MDGA2: variants seen among roughly 807,000 people sequenced by gnomAD.
MDGA2 encodes the protein MAM domain-containing glycosylphosphatidylinositol anchor protein 2.
A neutral mutation model predicts 117.8 loss-of-function variants in MDGA2; 40 were observed. That is an observed-to-expected ratio of 0.34 (90% CI 0.26 to 0.44). The LOEUF is 0.44. Among genes scored for constraint, MDGA2 ranks in the 20% least tolerant of loss-of-function variants. MDGA2 has a pLI of 1.00. For missense variants in MDGA2, 1,123 were observed against 1,250.6 expected (o/e 0.90, Z 1.54); for synonymous variants, 452 against 439.0 (o/e 1.03, Z -0.37).
chr14:47,571,760 G>A (rs371959610), intron 1 of MDGA2, among the ~76,000 whole-genome samples: 4 of 151,456 alleles, frequency 2.6e-5, no homozygotes, highest in South Asian at 2.1e-4. Context: ...GTCGGGGGGC[G>A]GTCGGGGGAT....
At chr14:46,963,906 A>T (rs7144632) in intron 8 of MDGA2, among the ~76,000 whole-genome samples, 17,949 of 152,204 alleles carry the variant, frequency 0.12, 2,017 homozygotes, top group African/African-American at 0.27. Context: ...TTAAAAGAGT[A>T]AAGATGTACA....
At chr14:47,140,581 T>C (rs180970250) in intron 4 of MDGA2, among the ~76,000 whole-genome samples, 2 of 152,216 alleles carry the variant, frequency 1.3e-5, no homozygotes, top group East Asian at 1.9e-4. Flanking sequence ...CATTAGGGAA[T>C]GGACAATGTG....
intron 10 of MDGA2, among the ~76,000 whole-genome samples, chr14:46,908,225 G>A (rs2138471724): frequency 6.6e-6 from 1 of 152,242 alleles, no homozygotes; most frequent in East Asian, 1.9e-4. Context: ...AGTGCCTAGA[G>A]TAGGCTGACT....
chr14:47,099,298 T>A (rs1015035117), intron 5 of MDGA2, among the ~76,000 whole-genome samples: 1 of 151,982 alleles, frequency 6.6e-6, no homozygotes, highest in South Asian at 2.1e-4. Flanking sequence ...TTTTTAAAAC[T>A]ATAAGGCTTT....
chr14:46,859,088 A>G (rs146248534), intron 14 of MDGA2, among the ~76,000 whole-genome samples: 8 of 152,272 alleles, frequency 5.3e-5, no homozygotes, highest in African/African-American at 1.7e-4. Flanking sequence ...TGTCTTACCT[A>G]TGAATCTTAC....
Position 47,182,951 on chromosome 14 carries a change from T to C in MDGA2, c.595+35070A>G, listed in dbSNP as rs558839355. On this transcript the variant is annotated intron_variant, in intron 3 of 16. Transcript: ENST00000399232. ...ACTCAATTCAATTTAATTCACTACA[T>C]GATTTTAGCTTTAATCTAAATGTTG... Among the ~76,000 whole-genome samples, 7 of 152,292 alleles carry C rather than the reference T, an allele frequency of 4.6e-5. 1 individual carries two copies. The South Asian group carries it at 1.5e-3, about 32-fold the overall frequency.
intron 14 of MDGA2, among the ~76,000 whole-genome samples, chr14:46,868,690 C>G (rs1055125037): frequency 6.6e-6 from 1 of 151,968 alleles, no homozygotes; most frequent in African/African-American, 2.4e-5. Context: ...CCATTATATT[C>G]CAAAATGCGT....
chr14:47,387,421 G>C (rs1489016455), intron 1 of MDGA2, among the ~76,000 whole-genome samples: 1 of 151,952 alleles, frequency 6.6e-6, no homozygotes. Flanking sequence ...TCTTTGTGGG[G>C]AATACACCAA....
chr14:46,960,434 T>C (rs1405248843), intron 8 of MDGA2: 1 of 146,876 alleles, frequency 6.8e-6, no homozygotes, highest in Non-Finnish European at 1.5e-5. Flanking sequence ...AAATATATTT[T>C]AGTTTGTGGG....
At chr14:47,518,940 A>G (rs974981243) in intron 1 of MDGA2, among the ~76,000 whole-genome samples, 37 of 152,204 alleles carry the variant, frequency 2.4e-4, no homozygotes, top group Admixed American at 2.4e-3. Flanking sequence ...ACAGTGGCTC[A>G]TACCTGTAAT....
intron 1 of MDGA2, among the ~76,000 whole-genome samples, chr14:47,665,425 TG>T (rs1478626767): frequency 6.6e-6 from 1 of 152,222 alleles, no homozygotes; most frequent in East Asian, 1.9e-4. Flanking sequence ...GTACCCATTC[TG>T]GCCACGCTTG....
chr14:47,525,616 C>T (rs1313208027), intron 1 of MDGA2, among the ~76,000 whole-genome samples: 1 of 152,030 alleles, frequency 6.6e-6, no homozygotes, highest in Non-Finnish European at 1.5e-5. Flanking sequence ...ACCCGGAAGG[C>T]AGAGGTTGCG....
At position 46,892,104 on chromosome 14, in the gene MDGA2, T is replaced by C. The variant is rs568866730; in HGVS notation, c.2239-9883A>G. ...TTTAAATAAGCTTATTTAAAGAAAA[T>C]AATATAAAAATGTGTTCACAAAGCA... On this transcript the variant is annotated intron_variant, in intron 10 of 16. Coordinates refer to ENST00000399232, the MANE Select transcript of MDGA2 (RefSeq NM_001113498.3). Among the ~76,000 whole-genome samples, 3 of 151,542 alleles carry C rather than the reference T, an allele frequency of 2.0e-5. No homozygotes were observed. In the South Asian group the frequency reaches 6.3e-4, roughly 32 times the overall value.
chr14:47,014,202 C>A (rs1404857847), intron 8 of MDGA2, among the ~76,000 whole-genome samples: 1 of 152,076 alleles, frequency 6.6e-6, no homozygotes, highest in Non-Finnish European at 1.5e-5. Context: ...ATTCCATAAA[C>A]TATGCTGTAA....
chr14:46,862,601 T>C (rs1463893573), intron 14 of MDGA2, among the ~76,000 whole-genome samples: 1 of 151,790 alleles, frequency 6.6e-6, no homozygotes, highest in East Asian at 1.9e-4. Context: ...AGTCTTGAAA[T>C]TGCCACATTT....
At chr14:46,987,520 A>G (rs1886905469) in intron 8 of MDGA2, among the ~76,000 whole-genome samples, 1 of 152,084 alleles carries the variant, frequency 6.6e-6, no homozygotes, top group South Asian at 2.1e-4. Context: ...GTTTTTCTGA[A>G]GTCAGATGCA....
At chr14:47,426,569 A>G (rs931011263) in intron 1 of MDGA2, among the ~76,000 whole-genome samples, 2 of 151,674 alleles carry the variant, frequency 1.3e-5, no homozygotes, top group Non-Finnish European at 2.9e-5. Context: ...ATTAAAAAAT[A>G]GCACCAAAAA....
chr14:46,867,293 C>T (rs925880403), intron 14 of MDGA2, among the ~76,000 whole-genome samples: 1 of 151,572 alleles, frequency 6.6e-6, no homozygotes, highest in African/African-American at 2.4e-5. Context: ...ATCGCAAGAA[C>T]AAAAAACCAA....
chr14:47,145,964 C>T (rs1290912652), intron 3 of MDGA2, among the ~76,000 whole-genome samples: 1 of 152,008 alleles, frequency 6.6e-6, no homozygotes, highest in Non-Finnish European at 1.5e-5. Flanking sequence ...GCCCATTGTC[C>T]AGACTATCAA....
Sources: gnomAD v4.1 joint callset for allele counts (sites outside exome capture counted in the v4.1 genomes callset) on GRCh38, gnomAD v4.1.1 for gene constraint, MANE v1.5 for transcripts, NCBI Gene and HGNC (gene_info 2026-07-23, HGNC 2026-07-21) for gene names.